The following CCDC91 variants were observed in gnomAD, a reference collection of about 807,000 sequenced individuals.
The protein encoded by CCDC91 is coiled-coil domain containing 91.
A neutral mutation model predicts 63.2 loss-of-function variants in CCDC91; 48 were observed. The ratio of observed to expected loss-of-function variants is 0.76; its 90% confidence interval spans 0.60 to 0.97. The LOEUF (loss-of-function observed/expected upper bound fraction) is 0.97. Among genes scored for constraint, CCDC91 ranks in the 50% least tolerant of loss-of-function variants. CCDC91 has a pLI of 0.00. For missense variants in CCDC91, 500 were observed against 494.6 expected, an observed-to-expected ratio of 1.01 and a Z score of -0.10; for synonymous variants, 167 against 165.8, an observed-to-expected ratio of 1.01 and a Z score of -0.06.
intron 12 of CCDC91, among the ~76,000 whole-genome samples, chr12:28,517,016 T>C (rs765508927): frequency 3.3e-5 from 5 of 151,952 alleles, no homozygotes; most frequent in Admixed American, 6.6e-5. Flanking sequence ...AGTGAATCTT[T>C]GTTGTGTCAA....
Position 28,217,473 on chromosome 12 carries a change from A to G in CCDC91, c.-15+26832A>G, listed in dbSNP as rs558351298. Reference sequence around the variant, plus strand: ...GTAGACTTCAGATGTTTTCCCATGTATTTGAGAAGTTGAAGTCAGTAAGTG... The same window carrying G: ...GTAGACTTCAGATGTTTTCCCATGTGTTTGAGAAGTTGAAGTCAGTAAGTG... On this transcript the variant is annotated intron_variant, in intron 1 of 12. Transcript: ENST00000536442. Among the ~76,000 whole-genome samples, 12 of 152,238 alleles carry G rather than the reference A, an allele frequency of 7.9e-5. 1 individual carries two copies. The highest frequency in any genetic ancestry group is 2.9e-4 in the African/African-American group (12 of 41,562).
Position 28,431,666 on chromosome 12 carries a change from C to A in CCDC91, c.763-18495C>A, listed in dbSNP as rs2140090778. Among the ~76,000 whole-genome samples the A allele has an allele frequency of 2.6e-5, 4 of 152,108 alleles. No homozygotes were observed. The South Asian group carries it at 8.3e-4, about 32-fold the overall frequency. On this transcript the variant is annotated intron_variant, in intron 8 of 12. Transcript: ENST00000536442. The stretch of plus-strand genomic sequence containing the variant: ...AGTGCAGAAAGTTCCCATATACCTC[C>A]TGTCCCCCAAAGTGACCTCTCTGCC...
intron 12 of CCDC91, among the ~76,000 whole-genome samples, chr12:28,535,209 G>T (rs1942053555): frequency 6.6e-6 from 1 of 152,024 alleles, no homozygotes; most frequent in African/African-American, 2.4e-5. Context: ...AAACTCCTTA[G>T]TATCTTTTAT....
At chr12:28,195,828 A>G (rs1240958163) in intron 1 of CCDC91, among the ~76,000 whole-genome samples, 1 of 152,142 alleles carries the variant, frequency 6.6e-6, no homozygotes, top group African/African-American at 2.4e-5. Flanking sequence ...TTCCTGTCCC[A>G]CTGCTATGGC....
intron 8 of CCDC91, among the ~76,000 whole-genome samples, chr12:28,444,427 T>A (rs1366250366): frequency 6.6e-6 from 1 of 152,182 alleles, no homozygotes; most frequent in Non-Finnish European, 1.5e-5. Flanking sequence ...GAGATTGCAT[T>A]TGGAGAATAG....
chr12:28,337,648 C>T (rs1942090516), intron 6 of CCDC91, among the ~76,000 whole-genome samples: 2 of 151,896 alleles, frequency 1.3e-5, no homozygotes, highest in South Asian at 2.1e-4. Context: ...CAGTGCTTAT[C>T]TCATACTCAT....
At chr12:28,271,013 C>T (rs1947731447) in intron 3 of CCDC91, among the ~76,000 whole-genome samples, 1 of 151,910 alleles carries the variant, frequency 6.6e-6, no homozygotes, top group Non-Finnish European at 1.5e-5. Flanking sequence ...TTAATTATGA[C>T]TAGGATACAC....
In CCDC91 at chr12:28,549,979, C is replaced by G. The variant is rs1335006344; in HGVS notation, c.*806C>G. 1 of 152,464 alleles carries G rather than the reference C, an allele frequency of 6.6e-6. No homozygotes were observed. The highest frequency in any genetic ancestry group is 1.5e-5 in the Non-Finnish European group (1 of 67,986). The allele number at this position is 152,464 out of a possible 1,614,324, so 9.4% of individuals were successfully genotyped here. A position where few individuals can be genotyped will look rare whatever the true frequency, so the allele number is the denominator to read the frequency against. ...TATATGAAATCTTTTCCCAGTATTTCAGAATGTACTTAATTCACAGGCAGG... is the reference window on the plus strand; with the variant it reads ...TATATGAAATCTTTTCCCAGTATTTGAGAATGTACTTAATTCACAGGCAGG... On this transcript the variant is annotated 3_prime_UTR_variant, in exon 13 of 13. Transcript: ENST00000536442.
chr12:28,357,958 T>C (rs1943628422), intron 6 of CCDC91, among the ~76,000 whole-genome samples: 1 of 152,174 alleles, frequency 6.6e-6, no homozygotes, highest in Non-Finnish European at 1.5e-5. Flanking sequence ...GGCTGCATAT[T>C]CTTGAAATGA....
At chr12:28,354,946 T>C (rs16932773) in intron 6 of CCDC91, among the ~76,000 whole-genome samples, 2,542 of 152,292 alleles carry the variant, frequency 0.017, 24 homozygotes, top group South Asian at 0.029. Context: ...CCCATACAAG[T>C]AGGCAAAGCT....
At chr12:28,372,971 T>C (rs1944716296) in intron 7 of CCDC91, among the ~76,000 whole-genome samples, 1 of 152,198 alleles carries the variant, frequency 6.6e-6, no homozygotes. Context: ...TGGTTTGGCA[T>C]GTTTGGCTTT....
At chr12:28,260,154 A>G (rs1267188852) in intron 3 of CCDC91, among the ~76,000 whole-genome samples, 1 of 152,002 alleles carries the variant, frequency 6.6e-6, no homozygotes, top group Non-Finnish European at 1.5e-5. Flanking sequence ...AAGGGTAGAT[A>G]AGGTAGGCAC....
chr12:28,231,744 G>A (rs1376849471), intron 1 of CCDC91, among the ~76,000 whole-genome samples: 1 of 152,072 alleles, frequency 6.6e-6, no homozygotes, highest in Non-Finnish European at 1.5e-5. Context: ...GATTTAGAAA[G>A]GTCTAGGTGA....
intron 12 of CCDC91, among the ~76,000 whole-genome samples, chr12:28,489,011 G>T (rs762739621): frequency 2.0e-5 from 3 of 151,902 alleles, no homozygotes; most frequent in Non-Finnish European, 4.4e-5. Context: ...CCACTAACTG[G>T]TGTCATGCTT....
At chr12:28,257,298 A>T in intron 2 of CCDC91, 53 bp downstream of exon 2, 1 of 1,177,466 alleles carries the variant, frequency 8.5e-7, no homozygotes, top group Admixed American at 1.8e-5. Flanking sequence ...ATTATAATGG[A>T]GTAAACTATT....
At chr12:28,273,824 T>C (rs1421940469) in intron 3 of CCDC91, among the ~76,000 whole-genome samples, 2 of 152,236 alleles carry the variant, frequency 1.3e-5, no homozygotes, top group African/African-American at 4.8e-5. Flanking sequence ...TCTTTTGCTG[T>C]GCAGAAACTC....
At chr12:28,297,723 T>A (rs1437923971) in intron 3 of CCDC91, among the ~76,000 whole-genome samples, 1 of 151,866 alleles carries the variant, frequency 6.6e-6, no homozygotes, top group East Asian at 1.9e-4. Context: ...ATTTTGGGCA[T>A]GAGGACTGAC....
At chr12:28,308,529 A>G (rs946744539) in intron 6 of CCDC91, among the ~76,000 whole-genome samples, 4 of 151,776 alleles carry the variant, frequency 2.6e-5, no homozygotes, top group Non-Finnish European at 5.9e-5. Flanking sequence ...AGGTCCTTAA[A>G]CTGGTTTTCA....
intron 1 of CCDC91, among the ~76,000 whole-genome samples, chr12:28,245,145 C>A (rs576339425): frequency 6.6e-6 from 1 of 152,060 alleles, no homozygotes; most frequent in Admixed American, 6.5e-5. Flanking sequence ...GGCTCACTCA[C>A]TATCATAAAG....
Sources: gnomAD v4.1 joint callset for allele counts (sites outside exome capture counted in the v4.1 genomes callset) on GRCh38, gnomAD v4.1.1 for gene constraint, MANE v1.5 for transcripts, NCBI Gene and HGNC (gene_info 2026-07-23, HGNC 2026-07-21) for gene names.